ACSL6: variants seen among roughly 807,000 people sequenced by gnomAD.
ACSL6 encodes the protein long-chain-fatty-acid--CoA ligase 6.
A neutral mutation model predicts 98.2 loss-of-function variants in ACSL6; 47 were observed. The observed-to-expected ratio is 0.48, with a 90% CI of 0.38 to 0.61. The LOEUF (loss-of-function observed/expected upper bound fraction) is 0.61, where lower values mean the gene tolerates loss of function less well. Among genes scored for constraint, ACSL6 ranks in the 20% least tolerant of loss-of-function variants. The pLI, the probability that ACSL6 is intolerant of heterozygous loss-of-function variation, is 0.00. For synonymous variants in ACSL6, 362 were observed against 336.9 expected (o/e 1.07, Z -0.82); for missense variants, 761 against 913.4 (o/e 0.83, Z 2.15).
intron 1 of ACSL6, among the ~76,000 whole-genome samples, chr5:132,004,806 A>G (rs1755302258): frequency 6.6e-6 from 1 of 152,170 alleles, no homozygotes; most frequent in Non-Finnish European, 1.5e-5. Flanking sequence ...CCTCCCTGCC[A>G]CCACAGACAG....
At chr5:132,011,933 G>C (rs1396173175), upstream of ACSL6, 2 of 1,553,626 alleles carry the variant, frequency 1.3e-6, no homozygotes, top group Admixed American at 1.9e-5. This position sits in a 1 kb window ranked among gnomAD's most constrained non-coding sequence, Gnocchi z 5.4. Context: ...TGCGGAAACC[G>C]GCTGGAAGGG....
chr5:131,958,019 G>A (rs980963776), intron 20 of ACSL6, among the ~76,000 whole-genome samples: 24 of 152,346 alleles, frequency 1.6e-4, no homozygotes, highest in African/African-American at 5.8e-4. Context: ...GAAACTCTGC[G>A]AAAGGCATGT....
At chr5:131,955,663 C>T (rs998918434) in intron 20 of ACSL6, among the ~76,000 whole-genome samples, 1 of 152,090 alleles carries the variant, frequency 6.6e-6, no homozygotes, top group African/African-American at 2.4e-5. Flanking sequence ...CCTAAACCAA[C>T]CTGAGTAGCA....
intron 16 of ACSL6, among the ~76,000 whole-genome samples, chr5:131,967,668 TTAATAATAA>T (rs3043871): frequency 7.6e-5 from 11 of 144,128 alleles, no homozygotes; most frequent in Admixed American, 3.5e-4. Flanking sequence ...CCGTCTCAAA[TTAATAATAA>T]TAATAATAAT....
intron 17 of ACSL6, among the ~76,000 whole-genome samples, chr5:131,966,080 C>T (rs1007463186): frequency 3.9e-5 from 6 of 152,178 alleles, no homozygotes; most frequent in African/African-American, 7.2e-5. Flanking sequence ...CCTTCTCAGA[C>T]GTCCTAGAGA....
intron 1 of ACSL6, among the ~76,000 whole-genome samples, chr5:132,008,099 A>G (rs1165206080): frequency 6.6e-6 from 1 of 152,206 alleles, no homozygotes; most frequent in Non-Finnish European, 1.5e-5. Context: ...ATCCTGCTCC[A>G]TGCTGGTGCA....
intron 16 of ACSL6, 68 bp downstream of exon 16, chr5:131,967,872 C>G: frequency 7.3e-7 from 1 of 1,365,716 alleles, no homozygotes; most frequent in Non-Finnish European, 1.0e-6. Context: ...TCATTCCATC[C>G]CTACTGTTCT....
At chr5:131,980,706 G>T (rs1753844408) in intron 9 of ACSL6, among the ~76,000 whole-genome samples, 2 of 152,160 alleles carry the variant, frequency 1.3e-5, no homozygotes, top group South Asian at 4.2e-4. Context: ...ACTTTCATAT[G>T]ACTCCAGACC....
chr5:131,969,996 G>GC, intron 15 of ACSL6, 132 bp downstream of exon 15: 1 of 773,966 alleles, frequency 1.3e-6, no homozygotes, highest in Non-Finnish European at 2.2e-6. Context: ...CACCATTAAT[G>GC]TTTTTTTCTG....
At chr5:131,999,454 C>T (rs1016023845) in intron 1 of ACSL6, 2 of 152,202 alleles carry the variant, frequency 1.3e-5, no homozygotes, top group African/African-American at 4.8e-5. Context: ...CGGCTGAGCT[C>T]GTCCCACTAG....
chr5:131,988,365 C>T (rs1478115159), intron 6 of ACSL6, 139 bp from the exon 7 acceptor site: 13 of 1,288,902 alleles, frequency 1.0e-5, no homozygotes, highest in East Asian at 2.3e-5. Flanking sequence ...ATACATAAGA[C>T]AGGCCTCGTG....
At chr5:131,965,274 T>C (rs1752953855) in intron 17 of ACSL6, among the ~76,000 whole-genome samples, 1 of 152,214 alleles carries the variant, frequency 6.6e-6, no homozygotes, top group Admixed American at 6.5e-5. Context: ...GCAAGAGTGC[T>C]CAGTGTCAGT....
chr5:132,001,417 T>G (rs747216824), intron 1 of ACSL6, among the ~76,000 whole-genome samples: 2 of 152,190 alleles, frequency 1.3e-5, no homozygotes, highest in Non-Finnish European at 2.9e-5. Flanking sequence ...AAGGGTTTGC[T>G]CTCCATTTTC....
intron 11 of ACSL6, 39 bp from the exon 12 acceptor site, chr5:131,973,439 T>G: frequency 1.2e-6 from 2 of 1,603,470 alleles, no homozygotes; most frequent in African/African-American, 2.7e-5. Context: ...TCCCTTAGGG[T>G]GGTCACTACT....
chr5:132,012,165 A>T, upstream of ACSL6: 1 of 465,330 alleles, frequency 2.1e-6, no homozygotes, highest in Non-Finnish European at 3.7e-6. Flanking sequence ...GTTTGCAGAC[A>T]TGGGGAGCCT....
At chr5:132,002,263 T>C (rs973989297) in intron 1 of ACSL6, among the ~76,000 whole-genome samples, 3 of 152,224 alleles carry the variant, frequency 2.0e-5, no homozygotes, top group Non-Finnish European at 2.9e-5. Flanking sequence ...TTTCCGGCCA[T>C]GTCCACGTTA....
intron 1 of ACSL6, among the ~76,000 whole-genome samples, chr5:132,000,071 G>A (rs1421095477): frequency 6.6e-6 from 1 of 152,064 alleles, no homozygotes; most frequent in Non-Finnish European, 1.5e-5. Context: ...CTCTGGCACT[G>A]AGGGCGACTG....
intron 1 of ACSL6, among the ~76,000 whole-genome samples, chr5:131,998,997 T>C (rs568338659): frequency 6.6e-6 from 1 of 152,244 alleles, no homozygotes; most frequent in East Asian, 1.9e-4. Flanking sequence ...CTCTGCAAAC[T>C]TCTGAGGTCT....
At chr5:131,997,523 G>C (rs1754852219) in intron 1 of ACSL6, among the ~76,000 whole-genome samples, 1 of 152,190 alleles carries the variant, frequency 6.6e-6, no homozygotes, top group African/African-American at 2.4e-5. Flanking sequence ...CAGGGGCTGG[G>C]GGAAGTGCAG....
Sources: gnomAD v4.1 joint callset for allele counts (sites outside exome capture counted in the v4.1 genomes callset) on GRCh38, gnomAD v4.1.1 for gene constraint, Gnocchi (gnomAD v3.1) non-coding constraint, MANE v1.5 for transcripts, NCBI Gene and HGNC (gene_info 2026-07-23, HGNC 2026-07-21) for gene names.